The following SLC9C2 variants were observed in gnomAD, a reference collection of about 807,000 sequenced individuals.
SLC9C2 encodes the protein solute carrier family 9 member C2 (putative).
Under a neutral mutation model 140.2 loss-of-function variants are expected in SLC9C2, and 75 were observed. The ratio of observed to expected loss-of-function variants is 0.53; its 90% confidence interval spans 0.44 to 0.65. The LOEUF (loss-of-function observed/expected upper bound fraction) is 0.65. Ranked by LOEUF, SLC9C2 falls within the 30% of genes least tolerant of loss-of-function variation. The probability of loss-of-function intolerance (pLI) is 0.00; values close to 1 mark genes in which losing one functional copy is unlikely to be tolerated. For synonymous variants in SLC9C2, 375 were observed against 420.9 expected, an observed-to-expected ratio of 0.89 and a Z score of 1.34; for missense variants, 1,074 against 1,331.8, an observed-to-expected ratio of 0.81 and a Z score of 3.01.
chr1:173,544,066 G>A (rs1013406355), intron 13 of SLC9C2, among the ~76,000 whole-genome samples: 3 of 152,138 alleles, frequency 2.0e-5, no homozygotes, highest in Non-Finnish European at 4.4e-5. Context: ...AGAGTGAACA[G>A]GCAACCTACA....
intron 9 of SLC9C2, among the ~76,000 whole-genome samples, chr1:173,569,118 A>G (rs897791088): frequency 1.3e-5 from 2 of 152,026 alleles, no homozygotes; most frequent in Non-Finnish European, 2.9e-5. Context: ...AGCACTTTAA[A>G]TATGTCATGC....
intron 3 of SLC9C2, among the ~76,000 whole-genome samples, chr1:173,599,123 G>C (rs1666611563): frequency 1.4e-5 from 2 of 140,068 alleles, no homozygotes; most frequent in South Asian, 4.1e-4. Context: ...TTATAAGCAG[G>C]CCCTTTTTTT....
intron 14 of SLC9C2, 139 bp downstream of exon 14, chr1:173,536,802 TG>T: frequency 1.6e-6 from 1 of 629,168 alleles, no homozygotes; most frequent in Non-Finnish European, 2.8e-6. Context: ...GACAGACAGA[TG>T]GACAGACAGA....
chr1:173,552,978 G>A (rs760080132), intron 11 of SLC9C2, among the ~76,000 whole-genome samples: 7 of 152,334 alleles, frequency 4.6e-5, no homozygotes, highest in Admixed American at 1.3e-4. Flanking sequence ...GCCATTAAGA[G>A]CATTCATAAT....
chr1:173,537,052 TA>T lies in SLC9C2; in HGVS notation c.1558-14del, dbSNP rs769507486. On this transcript the variant is annotated splice_polypyrimidine_tract_variant and intron_variant, in intron 13 of 27. Coordinates refer to ENST00000367714, the MANE Select transcript of SLC9C2 (RefSeq NM_178527.4). ...TTTCAAAGCTACTCTAAACATACAT[TA>T]AATGAAGATTACAAAAGATCAAAAC... 3 of 1,586,314 alleles carry T rather than the reference TA, an allele frequency of 1.9e-6. No homozygotes were observed. The highest frequency in any genetic ancestry group is 2.6e-6 in the Non-Finnish European group (3 of 1,155,492).
At chr1:173,559,854 GGATATGA>G (rs1291429907) in intron 9 of SLC9C2, among the ~76,000 whole-genome samples, 1 of 152,224 alleles carries the variant, frequency 6.6e-6, no homozygotes, top group East Asian at 1.9e-4. Flanking sequence ...GTATAGGTGG[GGATATGA>G]TAGGGGTGGA....
chr1:173,587,630 T>C, intron 5 of SLC9C2, 35 bp downstream of exon 5: 1 of 1,560,040 alleles, frequency 6.4e-7, no homozygotes, highest in Admixed American at 1.9e-5. Flanking sequence ...ACCCTTATAT[T>C]TTCAAGATAA....
At chr1:173,550,472 C>A (rs1663197957) in intron 11 of SLC9C2, among the ~76,000 whole-genome samples, 1 of 141,690 alleles carries the variant, frequency 7.1e-6, no homozygotes. Flanking sequence ...AGGAGTTTCA[C>A]TCTGTCGCCA....
chr1:173,576,419 G>T (rs1268159100), intron 8 of SLC9C2, among the ~76,000 whole-genome samples: 2 of 152,098 alleles, frequency 1.3e-5, no homozygotes, highest in Non-Finnish European at 2.9e-5. Flanking sequence ...TTTTTGTCAG[G>T]TTACATATAA....
intron 9 of SLC9C2, among the ~76,000 whole-genome samples, chr1:173,568,616 A>T (rs999674583): frequency 1.3e-5 from 2 of 152,156 alleles, no homozygotes; most frequent in Admixed American, 6.5e-5. Context: ...TTTATAGTAA[A>T]ATGATTTATA....
chr1:173,521,512 ATGTG>A, intron 21 of SLC9C2, 113 bp from the exon 22 acceptor site: 1 of 269,992 alleles, frequency 3.7e-6, no homozygotes, highest in Non-Finnish European at 6.9e-6. Context: ...TTTATTATAT[ATGTG>A]TGTGTGTGTA....
At chr1:173,589,194 A>AT (rs937774636) in intron 4 of SLC9C2, among the ~76,000 whole-genome samples, 1 of 151,952 alleles carries the variant, frequency 6.6e-6, no homozygotes, top group African/African-American at 2.4e-5. Context: ...TTTGGGTCTC[A>AT]TTTTTTTTGG....
intron 23 of SLC9C2, among the ~76,000 whole-genome samples, chr1:173,514,191 T>C (rs1660251494): frequency 6.6e-6 from 1 of 152,248 alleles, no homozygotes; most frequent in South Asian, 2.1e-4. Flanking sequence ...GATCCAGAGC[T>C]GAGTTCAGGT....
intron 27 of SLC9C2, among the ~76,000 whole-genome samples, chr1:173,502,787 C>T (rs1397567420): frequency 1.3e-5 from 2 of 152,178 alleles, no homozygotes; most frequent in Non-Finnish European, 2.9e-5. Flanking sequence ...TTTCAAATAA[C>T]CTACCAGTTA....
In SLC9C2 at chr1:173,523,247, C is replaced by T. The variant is rs761821601; in HGVS notation, c.2640+722G>A. ...ATTAGCTGGGCATGGTGGCACAGGC[C>T]TGTAATCCCAGCTACTTGGGAGGCT... On this transcript the variant is annotated intron_variant, in intron 21 of 27. Transcript: ENST00000367714. 3.9e-5 allele frequency among the ~76,000 whole-genome samples: 6 copies of T among 152,112 alleles called. 1 individual carries two copies. Among genetic ancestry groups the T allele is most frequent in the Non-Finnish European group, 8.8e-5 (6 of 68,030 alleles).
chr1:173,527,211 G>A (rs1160255226), intron 18 of SLC9C2, among the ~76,000 whole-genome samples: 1 of 152,162 alleles, frequency 6.6e-6, no homozygotes, highest in Admixed American at 6.6e-5. Flanking sequence ...TTTTAGAAAA[G>A]CTATTGGCTC....
intron 9 of SLC9C2, chr1:173,571,829 A>C (rs1464996139): frequency 6.6e-6 from 1 of 152,206 alleles, no homozygotes; most frequent in Non-Finnish European, 1.5e-5. Flanking sequence ...TTTTATTAAT[A>C]ATGTTTTGTT....
intron 11 of SLC9C2, among the ~76,000 whole-genome samples, chr1:173,550,436 A>AT (rs1467477294): frequency 2.4e-5 from 3 of 122,900 alleles, no homozygotes; most frequent in Admixed American, 8.3e-5. Context: ...TTATTTATTT[A>AT]TTTATTTATT....
intron 13 of SLC9C2, 61 bp downstream of exon 13, chr1:173,547,628 T>C: frequency 7.9e-7 from 1 of 1,270,376 alleles, no homozygotes; most frequent in Non-Finnish European, 1.1e-6. Context: ...GAAAATCATA[T>C]GCAAGGATCA....
Sources: gnomAD v4.1 joint callset for allele counts (sites outside exome capture counted in the v4.1 genomes callset) on GRCh38, gnomAD v4.1.1 for gene constraint, MANE v1.5 for transcripts, NCBI Gene and HGNC (gene_info 2026-07-23, HGNC 2026-07-21) for gene names.